PHF14: variants seen among roughly 807,000 people sequenced by gnomAD.
PHF14 encodes the protein PHD finger protein 14.
In PHF14, 55 loss-of-function variants were observed where a neutral mutation model predicts 117.9. The ratio of observed to expected loss-of-function variants is 0.47; its 90% confidence interval spans 0.38 to 0.58. PHF14 has a LOEUF of 0.58. Among genes scored for constraint, PHF14 ranks in the 20% least tolerant of loss-of-function variants. The pLI, the probability that PHF14 is intolerant of heterozygous loss-of-function variation, is 0.00. For synonymous variants in PHF14, 409 were observed against 368.6 expected (o/e 1.11, Z -1.26); for missense variants, 978 against 1,122.2 (o/e 0.87, Z 1.84).
chr7:11,122,617 C>A (rs1787810008), intron 17 of PHF14, among the ~76,000 whole-genome samples: 1 of 151,590 alleles, frequency 6.6e-6, no homozygotes, highest in Non-Finnish European at 1.5e-5. Context: ...GCATATGTTT[C>A]TTTATTTGTT....
At chr7:11,061,328 C>T (rs1485972426) in intron 14 of PHF14, 3 of 151,868 alleles carry the variant, frequency 2.0e-5, no homozygotes, top group African/African-American at 7.3e-5. Flanking sequence ...TTTTTTTTGG[C>T]TGCTTAAGAA....
In PHF14 at chr7:11,052,363, T is replaced by C. The variant is rs1784874684; in HGVS notation, c.2481+583T>C. ...TATAGTTTTCTATGGAAAGAATAGA[T>C]TATTACCTAGTTTTTCTTTTGCTTT... On this transcript the variant is annotated intron_variant, in intron 14 of 17. Coordinates refer to ENST00000634607, the MANE Select transcript of PHF14 (RefSeq NM_001007157.2). Among the ~76,000 whole-genome samples the C allele has an allele frequency of 2.0e-5, 3 of 152,210 alleles. 1 individual carries two copies. Among genetic ancestry groups the C allele is most frequent in the Admixed American group, 2.0e-4 (3 of 15,270 alleles).
At chr7:11,023,061 T>C in intron 6 of PHF14, 82 bp downstream of exon 6, 1 of 647,974 alleles carries the variant, frequency 1.5e-6, no homozygotes, top group Admixed American at 2.8e-5. Flanking sequence ...TGTATTATGT[T>C]GACTGCAGAA....
intron 2 of PHF14, among the ~76,000 whole-genome samples, chr7:10,976,481 T>C (rs986825003): frequency 4.6e-5 from 7 of 152,160 alleles, no homozygotes; most frequent in African/African-American, 1.4e-4. Flanking sequence ...TTACGAATTC[T>C]TTGAATATGG....
intron 3 of PHF14, among the ~76,000 whole-genome samples, chr7:10,984,023 A>ATGTAGAACTGTAATAATTCTG (rs1484366873): frequency 6.6e-6 from 1 of 152,328 alleles, no homozygotes; most frequent in African/African-American, 2.4e-5. Context: ...GTTACATCAC[A>ATGTAGAACTGTAATAATTCTG]TGTAGAACTG....
At position 11,026,081 on chromosome 7, in the gene PHF14, C is replaced by T. The variant is rs1371818072; in HGVS notation, c.1318-2600C>T. Among the ~76,000 whole-genome samples, 3 of 150,336 alleles carry T rather than the reference C, an allele frequency of 2.0e-5. No individual in the cohort carries two copies. The East Asian group carries it at 5.9e-4, about 30-fold the overall frequency. On this transcript the variant is annotated intron_variant, in intron 6 of 17. Coordinates refer to ENST00000634607, the MANE Select transcript of PHF14 (RefSeq NM_001007157.2). ...GAGCCGAGATTGCACCACTGCACTC[C>T]AGCCTGGGTGACAGTGTGAGACTCC... is the stretch of plus-strand genomic sequence containing the variant.
At position 11,106,151 on chromosome 7, in the gene PHF14, C is replaced by T. The variant is rs1002349620; in HGVS notation, c.2655-5199C>T. On this transcript the variant is annotated intron_variant, in intron 16 of 17. Transcript: ENST00000634607. ...TCTCATCTTTCATTTTCTTGTTTCACATTTAATCTTGTAATCTGGCTGCCA... is the reference window on the plus strand; with the variant it reads ...TCTCATCTTTCATTTTCTTGTTTCATATTTAATCTTGTAATCTGGCTGCCA... The T allele has an allele frequency of 3.1e-6, 3 of 982,056 alleles. No individual in the cohort carries two copies. In the African/African-American group the frequency reaches 5.3e-5, roughly 17 times the overall value. The allele number at this position is 982,056 out of a possible 1,614,324, so 60.8% of individuals were successfully genotyped here. A position where few individuals can be genotyped will look rare whatever the true frequency, so the allele number is the denominator to read the frequency against.
rs114935200 is a variant in PHF14 at position 10,975,463 on chromosome 7, C to T, written c.112+518C>T. ...CTTGTGGATTGGGCCTTTCAGATGT[C>T]TCTGAAGTATAAGTCATGCATGCTT... On this transcript the variant is annotated intron_variant, in intron 2 of 17. Coordinates refer to ENST00000634607, the MANE Select transcript of PHF14 (RefSeq NM_001007157.2). Among the ~76,000 whole-genome samples the T allele has an allele frequency of 2.6e-3, 395 of 152,216 alleles. 1 individual carries two copies. Among genetic ancestry groups the T allele is most frequent in the African/African-American group, 8.5e-3 (354 of 41,532 alleles).
intron 17 of PHF14, among the ~76,000 whole-genome samples, chr7:11,115,593 A>G (rs1044621016): frequency 1.3e-5 from 2 of 152,082 alleles, no homozygotes; most frequent in East Asian, 3.9e-4. Flanking sequence ...ATTCTTCTTC[A>G]TATCCAAAAT....
At chr7:11,102,142 A>G (rs1787115067) in intron 16 of PHF14, among the ~76,000 whole-genome samples, 1 of 151,882 alleles carries the variant, frequency 6.6e-6, no homozygotes, top group Non-Finnish European at 1.5e-5. Flanking sequence ...ATTTTTCAAA[A>G]TATTTATTGA....
chr7:11,105,542 A>C, intron 16 of PHF14: 2 of 979,754 alleles, frequency 2.0e-6, no homozygotes. Context: ...AAAAAAATTT[A>C]AAAATGGCAA....
intron 5 of PHF14, among the ~76,000 whole-genome samples, chr7:11,016,111 T>G (rs1562421426): frequency 6.6e-6 from 1 of 152,114 alleles, no homozygotes; most frequent in Non-Finnish European, 1.5e-5. Context: ...TTTTTTTGGA[T>G]ACTGTGGACG....
At chr7:11,131,839 C>A (rs1788099198) in intron 17 of PHF14, among the ~76,000 whole-genome samples, 1 of 151,658 alleles carries the variant, frequency 6.6e-6, no homozygotes, top group South Asian at 2.1e-4. Context: ...CTGTCTCTCT[C>A]TCTCATTCTT....
chr7:11,062,867 A>C, intron 16 of PHF14: 1 of 984,392 alleles, frequency 1.0e-6, no homozygotes, highest in Non-Finnish European at 1.2e-6. Context: ...AAGTTCTTAC[A>C]GTTCTTACAG....
At chr7:11,150,950 A>G (rs1448209476) in intron 17 of PHF14, among the ~76,000 whole-genome samples, 2 of 152,208 alleles carry the variant, frequency 1.3e-5, no homozygotes, top group Non-Finnish European at 2.9e-5. Flanking sequence ...ACATTCAAGT[A>G]CAGTTTATTT....
At position 10,982,394 on chromosome 7, in the gene PHF14, A is replaced by G; in HGVS notation, c.135A>G (p.Gly45=). 1.3e-6 allele frequency: 2 copies of G among 1,564,874 alleles called. No homozygotes were observed. Among genetic ancestry groups the G allele is most frequent in the Non-Finnish European group, 1.7e-6 (2 of 1,163,842 alleles). Residue 45 remains glycine (G), a synonymous_variant, in exon 3 of 18, where the codon GGA becomes GGG. Coordinates refer to ENST00000634607, the MANE Select transcript of PHF14 (RefSeq NM_001007157.2). ...DASDSEGSGN[G]SEDASKDSGE... Reference sequence around the variant, plus strand: ...CAGATTCTGAAGGGAGTGGTAATGGAAGTGAAGATGCTTCAAAGGACAGTG... The same window carrying G: ...CAGATTCTGAAGGGAGTGGTAATGGGAGTGAAGATGCTTCAAAGGACAGTG...
At chr7:11,141,086 C>T (rs897643956) in intron 17 of PHF14, among the ~76,000 whole-genome samples, 3 of 152,024 alleles carry the variant, frequency 2.0e-5, no homozygotes, top group Non-Finnish European at 4.4e-5. Context: ...ATTCCTTAAC[C>T]CTCCTGAGTT....
intron 7 of PHF14, among the ~76,000 whole-genome samples, chr7:11,032,840 G>C (rs538501189): frequency 2.0e-5 from 3 of 152,146 alleles, no homozygotes; most frequent in Non-Finnish European, 4.4e-5. Context: ...TTGCAGAGTT[G>C]GGCTCTAGTT....
chr7:11,022,787 G>T (rs1028049516), intron 5 of PHF14, 81 bp from the exon 6 acceptor site: 7 of 647,552 alleles, frequency 1.1e-5, no homozygotes, highest in Non-Finnish European at 1.8e-5. Context: ...ATTTTGAGAT[G>T]GCAAGCGTTT....
Sources: allele counts gnomAD v4.1 joint callset (sites outside exome capture counted in the v4.1 genomes callset), GRCh38; gene constraint gnomAD v4.1.1; transcripts MANE v1.5; gene names NCBI Gene and HGNC (gene_info 2026-07-23, HGNC 2026-07-21).